Variants in RALB observed in about 807,000 individuals in gnomAD.
RALB encodes ras-related protein Ral-B.
Under a neutral mutation model 21.3 loss-of-function variants are expected in RALB, and 16 were observed. The observed-to-expected ratio is 0.75, with a 90% CI of 0.51 to 1.14. The LOEUF is 1.14. Among genes scored for constraint, RALB ranks in the 50% most tolerant of loss-of-function variants. The probability of loss-of-function intolerance (pLI) is 0.00; values close to 1 mark genes in which losing one functional copy is unlikely to be tolerated. For missense variants in RALB, 161 were observed against 256.2 expected (o/e 0.63, Z 2.54); for synonymous variants, 93 against 96.1 (o/e 0.97, Z 0.19).
At position 120,267,503 on chromosome 2, in the gene RALB, G is replaced by A. The variant is rs138751426; in HGVS notation, c.-47-11115G>A. 1.6e-3 allele frequency among the ~76,000 whole-genome samples: 247 copies of A among 152,246 alleles called. 3 individuals are homozygous for A. The highest frequency in any genetic ancestry group is 4.3e-3 in the African/African-American group (178 of 41,536). The stretch of plus-strand genomic sequence containing the variant: ...GAAGGGGAACTTGACCAAGGAGGTC[G>A]CTTGACTCAGGCCAGGGTCTGGGTA... On this transcript the variant is annotated intron_variant, in intron 1 of 4. Transcript: ENST00000272519.
Position 120,286,081 on chromosome 2 carries a change from A to G in RALB, c.322A>G (p.Arg108Gly). 6.2e-7 allele frequency: 1 copy of G among 1,613,726 alleles called. No homozygotes were observed. The highest frequency in any genetic ancestry group is 8.5e-7 in the Non-Finnish European group (1 of 1,179,734). The change falls in exon 3 of 5, where the codon AGG (arginine) becomes GGG (glycine). Residue 108 changes from arginine to glycine, a missense_variant and splice_region_variant. Physicochemically the swap from Arg to Gly is moderately radical, Grantham distance 125 (BLOSUM62 -2). Coordinates refer to ENST00000272519, the MANE Select transcript of RALB (RefSeq NM_002881.3). ...ATCCTTTACAGCAACTGCCGAATTC[A>G]GGTATGTCTGAAATGAAATAGCAGA... Reference protein sequence around the residue: ...HESFTATAEFREQILRVKAEE... With the variant: ...HESFTATAEFGEQILRVKAEE...
chr2:120,250,136 T>C (rs1177225667), upstream of RALB, among the ~76,000 whole-genome samples: 1 of 152,258 alleles, frequency 6.6e-6, no homozygotes, highest in African/African-American at 2.4e-5. Context: ...GTCTGTTTAC[T>C]GGCCTCTTCT....
chr2:120,293,346 G>C lies in RALB; in HGVS notation c.*86G>C. ...GAAGGCTATGGTTGACTTCTTGCTT[G>C]TGCTTCCCACTCTCCCCGACTTCAT... is the stretch of plus-strand genomic sequence containing the variant. On this transcript the variant is annotated 3_prime_UTR_variant, in exon 5 of 5. Coordinates refer to ENST00000272519, the MANE Select transcript of RALB (RefSeq NM_002881.3). 3 of 1,368,160 alleles carry C rather than the reference G, an allele frequency of 2.2e-6. No homozygotes were observed. Among genetic ancestry groups the C allele is most frequent in the Non-Finnish European group, 2.9e-6 (3 of 1,039,246 alleles). 84.8% of individuals were successfully genotyped at this position (1,368,160 alleles called of 1,614,324 possible).
intron 4 of RALB, 57 bp from the exon 5 acceptor site, chr2:120,293,084 A>G: frequency 1.3e-6 from 2 of 1,514,270 alleles, no homozygotes; most frequent in Non-Finnish European, 1.8e-6. Context: ...AAAAGAAAAA[A>G]ATCATTAAAT....
chr2:120,245,688 C>T (rs1688958915), intron 1 of RALB, among the ~76,000 whole-genome samples: 1 of 152,102 alleles, frequency 6.6e-6, no homozygotes, highest in Non-Finnish European at 1.5e-5. Context: ...GGATTTACTG[C>T]CTGCACGGGT....
chr2:120,260,112 C>T (rs1689322593), intron 1 of RALB, among the ~76,000 whole-genome samples: 2 of 152,360 alleles, frequency 1.3e-5, no homozygotes, highest in East Asian at 1.9e-4. Flanking sequence ...CACACAGCCC[C>T]GGTTCCTGCT....
At chr2:120,248,654 A>G (rs1242175234), upstream of RALB, among the ~76,000 whole-genome samples, 3 of 152,058 alleles carry the variant, frequency 2.0e-5, no homozygotes, top group Non-Finnish European at 2.9e-5. Flanking sequence ...CAGCCAGAGT[A>G]ATGTTTTTTC....
intron 1 of RALB, among the ~76,000 whole-genome samples, chr2:120,268,634 A>G (rs1481574217): frequency 6.6e-6 from 1 of 152,222 alleles, no homozygotes; most frequent in Non-Finnish European, 1.5e-5. Context: ...TGATCGTACC[A>G]CTGCACTGCA....
Position 120,294,407 on chromosome 2 carries a change from T to G in RALB, c.*1147T>G. Reference sequence around the variant, plus strand: ...GATAGCCAGATAGTTAGAAAAAGATTTTCATTGATGACATATCTTTAAACT... The same window carrying G: ...GATAGCCAGATAGTTAGAAAAAGATGTTCATTGATGACATATCTTTAAACT... On this transcript the variant is annotated 3_prime_UTR_variant, in exon 5 of 5. Coordinates refer to ENST00000272519, the MANE Select transcript of RALB (RefSeq NM_002881.3). The G allele has an allele frequency of 2.5e-6, 1 of 397,848 alleles. No homozygotes were observed. Among genetic ancestry groups the G allele is most frequent in the Non-Finnish European group, 4.4e-6 (1 of 225,802 alleles). 24.6% of individuals were successfully genotyped at this position (397,848 alleles called of 1,614,324 possible).
At chr2:120,281,030 A>G (rs972081997) in intron 2 of RALB, 16 of 301,928 alleles carry the variant, frequency 5.3e-5, no homozygotes, top group African/African-American at 3.7e-4. Context: ...GGTTAAAACA[A>G]CATACATTTG....
At chr2:120,267,851 G>A (rs1223874387) in intron 1 of RALB, among the ~76,000 whole-genome samples, 2 of 152,064 alleles carry the variant, frequency 1.3e-5, no homozygotes, top group Non-Finnish European at 2.9e-5. Context: ...GAGTGCAGTG[G>A]CGTGATCTGG....
intron 1 of RALB, among the ~76,000 whole-genome samples, chr2:120,270,172 C>T (rs1257393970): frequency 6.6e-6 from 1 of 151,564 alleles, no homozygotes; most frequent in Non-Finnish European, 1.5e-5. Flanking sequence ...ATCTGTTTGT[C>T]TTTCAGTTCT....
intron 1 of RALB, among the ~76,000 whole-genome samples, chr2:120,241,726 C>A (rs1468806993): frequency 3.3e-5 from 5 of 150,828 alleles, no homozygotes; most frequent in Admixed American, 3.3e-4. Flanking sequence ...AACTCCATCT[C>A]AAAAAAAACA....
intron 2 of RALB, among the ~76,000 whole-genome samples, chr2:120,283,905 G>C (rs1403222987): frequency 6.6e-6 from 1 of 152,170 alleles, no homozygotes; most frequent in African/African-American, 2.4e-5. Context: ...TGGAATGTTG[G>C]GGTAATCAGC....
chr2:120,270,435 G>T (rs1316991869), intron 1 of RALB, among the ~76,000 whole-genome samples: 1 of 152,180 alleles, frequency 6.6e-6, no homozygotes, highest in South Asian at 2.1e-4. Flanking sequence ...TTCTGGTATC[G>T]GGCAGCATGT....
rs544805925 is a variant in RALB, at chr2:120,278,401, G to A, written c.-47-217G>A. Among the ~76,000 whole-genome samples the A allele has an allele frequency of 3.3e-5, 5 of 152,302 alleles. No individual in the cohort carries two copies. In the South Asian group the frequency reaches 1.0e-3, roughly 32 times the overall value. ...AGGCGGGCGTGGGGTGTGCGCTCCT[G>A]TTTCTCCCCTCTAGCCTTGGCTTCG... is the stretch of plus-strand genomic sequence containing the variant. On this transcript the variant is annotated intron_variant, in intron 1 of 4. Transcript: ENST00000272519.
intron 1 of RALB, among the ~76,000 whole-genome samples, chr2:120,256,898 A>C (rs995191618): frequency 6.6e-6 from 1 of 152,214 alleles, no homozygotes; most frequent in Non-Finnish European, 1.5e-5. Flanking sequence ...ATCATTGAGA[A>C]AATCTTTCTT....
At chr2:120,287,602 G>C (rs1370482544) in intron 3 of RALB, among the ~76,000 whole-genome samples, 1 of 152,142 alleles carries the variant, frequency 6.6e-6, no homozygotes, top group Non-Finnish European at 1.5e-5. Context: ...AAGGGAAGTG[G>C]GCAGGAGAGT....
intron 1 of RALB, among the ~76,000 whole-genome samples, chr2:120,265,086 C>T (rs1349141836): frequency 6.6e-6 from 1 of 152,192 alleles, no homozygotes; most frequent in Non-Finnish European, 1.5e-5. Flanking sequence ...CAAGTCCTTG[C>T]TTTCAGTTCT....
Sources: allele counts gnomAD v4.1 joint callset (sites outside exome capture counted in the v4.1 genomes callset), GRCh38; gene constraint gnomAD v4.1.1; transcripts MANE v1.5; gene names NCBI Gene and HGNC (gene_info 2026-07-23, HGNC 2026-07-21).